The following VIT variants were observed in gnomAD, a reference collection of about 807,000 sequenced individuals.
VIT encodes vitrin.
In VIT, 99 loss-of-function variants were observed where a neutral mutation model predicts 78.0. That is an observed-to-expected ratio of 1.27 (90% confidence interval 1.08 to 1.50). The LOEUF (loss-of-function observed/expected upper bound fraction) is 1.50, where lower values mean the gene tolerates loss of function less well. Ranked by LOEUF, VIT falls within the 40% of genes most tolerant of loss-of-function variation. The pLI is 0.00. For missense variants in VIT, 1,126 were observed against 875.3 expected, an observed-to-expected ratio of 1.29 and a Z score of -3.61; for synonymous variants, 374 against 334.3, an observed-to-expected ratio of 1.12 and a Z score of -1.29.
intron 12 of VIT, among the ~76,000 whole-genome samples, chr2:36,793,197 G>C (rs1263025245): frequency 6.6e-6 from 1 of 152,112 alleles, no homozygotes. Flanking sequence ...TCTCAGATCA[G>C]CATATTGCAC....
intron 3 of VIT, among the ~76,000 whole-genome samples, chr2:36,731,119 C>T (rs1667178429): frequency 6.6e-6 from 1 of 151,954 alleles, no homozygotes; most frequent in Non-Finnish European, 1.5e-5. Context: ...TGGGGCTTCA[C>T]CAGGGACCCA....
At chr2:36,766,448 T>C (rs1669435352) in intron 6 of VIT, among the ~76,000 whole-genome samples, 1 of 152,172 alleles carries the variant, frequency 6.6e-6, no homozygotes, top group Non-Finnish European at 1.5e-5. Context: ...GGAGGATCAC[T>C]GTACCCCAGA....
intron 3 of VIT, among the ~76,000 whole-genome samples, chr2:36,732,304 T>C (rs1667259119): frequency 6.6e-6 from 1 of 152,250 alleles, no homozygotes; most frequent in Non-Finnish European, 1.5e-5. Context: ...ATTTCTGATA[T>C]GCTAAATTCT....
At chr2:36,726,013 G>C (rs1412330362) in intron 2 of VIT, among the ~76,000 whole-genome samples, 1 of 150,922 alleles carries the variant, frequency 6.6e-6, no homozygotes, top group African/African-American at 2.4e-5. Flanking sequence ...AGGTTGCAGT[G>C]AGTCGAGACT....
chr2:36,785,003 T>C (rs1664997865), intron 11 of VIT, among the ~76,000 whole-genome samples: 1 of 152,212 alleles, frequency 6.6e-6, no homozygotes, highest in African/African-American at 2.4e-5. Flanking sequence ...ATAAGATGAA[T>C]ACGTTAATCC....
At chr2:36,742,003 C>T (rs1424994516) in intron 3 of VIT, among the ~76,000 whole-genome samples, 2 of 152,186 alleles carry the variant, frequency 1.3e-5, no homozygotes, top group African/African-American at 4.8e-5. Flanking sequence ...TGACCCATTT[C>T]TACAAACCAT....
At chr2:36,795,946 C>A (rs1325233732) in intron 12 of VIT, among the ~76,000 whole-genome samples, 2 of 152,012 alleles carry the variant, frequency 1.3e-5, no homozygotes, top group Non-Finnish European at 2.9e-5. Context: ...TGGTTGTGAG[C>A]TCAATGTTAA....
chr2:36,706,708 T>G (rs1435106331), intron 1 of VIT, among the ~76,000 whole-genome samples: 2 of 152,228 alleles, frequency 1.3e-5, no homozygotes, highest in Non-Finnish European at 2.9e-5. Context: ...GCTGAGTCAT[T>G]TACATTTCAG....
At chr2:36,775,205 A>G in intron 9 of VIT, 138 bp downstream of exon 9, 3 of 926,208 alleles carry the variant, frequency 3.2e-6, no homozygotes, top group South Asian at 1.7e-5. Context: ...GGAGCATGCT[A>G]AGATATTTTA....
At chr2:36,732,129 G>A (rs562569117) in intron 3 of VIT, among the ~76,000 whole-genome samples, 27 of 152,318 alleles carry the variant, frequency 1.8e-4, no homozygotes, top group South Asian at 1.5e-3. Flanking sequence ...ACAAATGCAC[G>A]CCCAAGTATG....
rs146457481 is a variant in VIT at position 36,808,482 on chromosome 2, G to A, written c.1400G>A (p.Arg467Lys). 3 of 1,607,984 alleles carry A rather than the reference G, an allele frequency of 1.9e-6. No individual in the cohort carries two copies. The highest frequency in any genetic ancestry group is 2.7e-5 in the African/African-American group (2 of 74,854). Residue 467 changes from arginine to lysine, a missense_variant, in exon 15 of 16, where the codon AGA (arginine) becomes AAA (lysine). Arg to Lys is a conservative substitution (Grantham distance 26, BLOSUM62 2). Transcript: ENST00000379242. ...CCCTCTGTCTTCTAGGCCGTGTGCA[G>A]AACAAACGGCTTCTACTCGCTCCAC... ...EPNFANKAVC[R>K]TNGFYSLHVQ...
At chr2:36,800,368 A>C (rs139205691) in intron 12 of VIT, among the ~76,000 whole-genome samples, 1 of 152,286 alleles carries the variant, frequency 6.6e-6, no homozygotes, top group Non-Finnish European at 1.5e-5. Context: ...AGAAAAAAGA[A>C]AACAGTAACC....
In VIT at chr2:36,814,521, C is replaced by A; in HGVS notation, c.*160C>A. The A allele has an allele frequency of 1.1e-6, 1 of 941,094 alleles. No individual in the cohort carries two copies. The highest frequency in any genetic ancestry group is 2.0e-5 in the South Asian group (1 of 49,616). The allele number at this position is 941,094 out of a possible 1,614,324, so 58.3% of individuals were successfully genotyped here. On this transcript the variant is annotated 3_prime_UTR_variant, in exon 16 of 16. Transcript: ENST00000379242. ...CTTTGCCATCATGCTTTTTCATATTCCAAAACTTGGAGTTACAAAGATGAT... is the reference window on the plus strand; with the variant it reads ...CTTTGCCATCATGCTTTTTCATATTACAAAACTTGGAGTTACAAAGATGAT...
chr2:36,802,070 G>A (rs547878304), intron 13 of VIT, among the ~76,000 whole-genome samples: 14 of 152,326 alleles, frequency 9.2e-5, no homozygotes, highest in Non-Finnish European at 1.6e-4. Flanking sequence ...AGTGATGATT[G>A]TGCAAAGAGA....
At chr2:36,726,354 A>AG (rs1666844064) in intron 2 of VIT, among the ~76,000 whole-genome samples, 3 of 152,256 alleles carry the variant, frequency 2.0e-5, no homozygotes, top group Non-Finnish European at 4.4e-5. Flanking sequence ...TGAACATTGT[A>AG]AAAAACATGA....
chr2:36,739,467 T>G (rs1284259403), intron 3 of VIT, among the ~76,000 whole-genome samples: 1 of 152,194 alleles, frequency 6.6e-6, no homozygotes, highest in Non-Finnish European at 1.5e-5. Context: ...TACTAAAAAT[T>G]GACTCAAATA....
chr2:36,809,116 G>A (rs1269832470), intron 15 of VIT, 131 bp downstream of exon 15: 60 of 1,263,774 alleles, frequency 4.7e-5, no homozygotes, highest in South Asian at 3.2e-5. Flanking sequence ...GTTCAAAGCC[G>A]CAGGGAGGGC....
chr2:36,812,908 T>G (rs1215354545), intron 15 of VIT, among the ~76,000 whole-genome samples: 1 of 146,422 alleles, frequency 6.8e-6, no homozygotes, highest in African/African-American at 2.5e-5. Context: ...TCACCCAGGC[T>G]GGAGTGCAGC....
chr2:36,706,647 G>A (rs17019526), intron 1 of VIT, among the ~76,000 whole-genome samples: 8,823 of 152,150 alleles, frequency 0.058, 452 homozygotes, highest in Middle Eastern at 0.14. Context: ...CCCAGGGGAG[G>A]CCTCAATTGG....
Sources: allele counts gnomAD v4.1 joint callset (sites outside exome capture counted in the v4.1 genomes callset), GRCh38; gene constraint gnomAD v4.1.1; transcripts MANE v1.5; gene names NCBI Gene and HGNC (gene_info 2026-07-23, HGNC 2026-07-21).